The following PCDHGB6 variants were observed in gnomAD, a reference collection of about 807,000 sequenced individuals.
The protein encoded by PCDHGB6 is protocadherin gamma subfamily B, 6, also known as protocadherin gamma-B6.
PCDHGB6 carries 51 observed loss-of-function variants against 59.1 expected under a neutral mutation model. The observed-to-expected ratio is 0.86, with a 90% confidence interval of 0.69 to 1.09. The LOEUF (loss-of-function observed/expected upper bound fraction) is 1.09. Ranked by LOEUF, PCDHGB6 falls within the 50% of genes least tolerant of loss-of-function variation. The probability of loss-of-function intolerance (pLI) is 0.00; values close to 1 mark genes in which losing one functional copy is unlikely to be tolerated. For missense variants in PCDHGB6, 1,148 were observed against 1,205.1 expected, an observed-to-expected ratio of 0.95 and a Z score of 0.70; for synonymous variants, 466 against 495.1, an observed-to-expected ratio of 0.94 and a Z score of 0.78.
At chr5:141,452,538 G>T (rs1330051133) in intron 1 of PCDHGB6, among the ~76,000 whole-genome samples, 1 of 152,148 alleles carries the variant, frequency 6.6e-6, no homozygotes, top group Non-Finnish European at 1.5e-5. Flanking sequence ...AGTTCATATT[G>T]ATACCTCCAG....
Position 141,431,605 on chromosome 5 carries a change from G to A in PCDHGB6, c.2418+20985G>A. ...ATGCGGAAGTGAGGTATTCCTTCCGGTATGTGGACGACAAGGCGGCCCAAG... is the reference window on the plus strand; with the variant it reads ...ATGCGGAAGTGAGGTATTCCTTCCGATATGTGGACGACAAGGCGGCCCAAG... On this transcript the variant is annotated intron_variant, in intron 1 of 3. Transcript: ENST00000520790. This position sits in a 1 kb window ranked among gnomAD's most constrained non-coding sequence, Gnocchi z 4.8. 2 of 1,614,236 alleles carry A rather than the reference G, an allele frequency of 1.2e-6. No individual in the cohort carries two copies. The highest frequency in any genetic ancestry group is 1.7e-6 in the Non-Finnish European group (2 of 1,180,044).
chr5:141,486,505 T>C lies in PCDHGB6; in HGVS notation c.2419-8302T>C. The C allele has an allele frequency of 6.2e-7, 1 of 1,614,156 alleles. No individual in the cohort carries two copies. ...GTACCCACAGAACTATTTTCCTCAA[T>C]ATTTCAGATGTGAATGATAATCCAC... is the stretch of plus-strand genomic sequence containing the variant. On this transcript the variant is annotated intron_variant, in intron 1 of 3. Coordinates refer to ENST00000520790, the MANE Select transcript of PCDHGB6 (RefSeq NM_018926.3). The surrounding 1 kb of genome is among the most constrained non-coding windows in gnomAD (Gnocchi z 5.0).
In PCDHGB6 at chr5:141,487,818, G is replaced by A. The variant is rs1009237001; in HGVS notation, c.2419-6989G>A. On this transcript the variant is annotated intron_variant, in intron 1 of 3. Coordinates refer to ENST00000520790, the MANE Select transcript of PCDHGB6 (RefSeq NM_018926.3). This position sits in a 1 kb window ranked among gnomAD's most constrained non-coding sequence, Gnocchi z 5.0. ...GAGTTGTCACAGTTTAGCATTGGGG[G>A]CGGGTCATGCCTATATCTGAGTAAG... The A allele has an allele frequency of 1.2e-4, 158 of 1,331,596 alleles. No homozygotes were observed. The highest frequency in any genetic ancestry group is 1.4e-4 in the Non-Finnish European group (140 of 970,524). 82.5% of individuals were successfully genotyped at this position (1,331,596 alleles called of 1,614,324 possible). A position where few individuals can be genotyped will look rare whatever the true frequency, so the allele number is the denominator to read the frequency against.
rs764584425 is a variant in PCDHGB6 at position 141,409,795 on chromosome 5, G to A, written c.1593G>A (p.Thr531=). The change falls in exon 1 of 4, where the codon ACG becomes ACA. Residue 531 remains threonine (T), a synonymous_variant. Coordinates refer to ENST00000520790, the MANE Select transcript of PCDHGB6 (RefSeq NM_018926.3). ...AGCAGCTGCGCGCCTTCGCGCTCAC[G>A]CTGCAGGCCCGCGACCACGGCTCGC... The part of the protein sequence containing the change: ...DHEQLRAFAL[T]LQARDHGSPT... 1.2e-6 allele frequency: 2 copies of A among 1,611,722 alleles called. No individual in the cohort carries two copies. Among genetic ancestry groups the A allele is most frequent in the Admixed American group, 1.7e-5 (1 of 59,802 alleles).
intron 1 of PCDHGB6, chr5:141,422,658 C>T (rs2096662185): frequency 6.2e-7 from 1 of 1,609,912 alleles, no homozygotes; most frequent in Non-Finnish European, 8.5e-7. Context: ...CAGTGACCGC[C>T]CTCGACCCGG....
chr5:141,431,774 G>T lies in PCDHGB6; in HGVS notation c.2418+21154G>T. Reference sequence around the variant, plus strand: ...AGCCAAAGTCCTGATCACTGTTCTGGACGTGAACGACAATGCCCCAGAAGT... The same window carrying T: ...AGCCAAAGTCCTGATCACTGTTCTGTACGTGAACGACAATGCCCCAGAAGT... On this transcript the variant is annotated intron_variant, in intron 1 of 3. Transcript: ENST00000520790. This position sits in a 1 kb window ranked among gnomAD's most constrained non-coding sequence, Gnocchi z 4.8. 5 of 1,614,204 alleles carry T rather than the reference G, an allele frequency of 3.1e-6. No individual in the cohort carries two copies. The highest frequency in any genetic ancestry group is 4.2e-6 in the Non-Finnish European group (5 of 1,180,038).
At chr5:141,427,470 G>A (rs765970767) in intron 1 of PCDHGB6, 8 of 509,992 alleles carry the variant, frequency 1.6e-5, no homozygotes, top group African/African-American at 7.7e-5. Flanking sequence ...CGAATCTTCC[G>A]CCAATAATGA....
chr5:141,432,803 G>T lies in PCDHGB6; in HGVS notation c.2418+22183G>T, dbSNP rs751950423. 3 of 1,614,160 alleles carry T rather than the reference G, an allele frequency of 1.9e-6. No homozygotes were observed. The highest frequency in any genetic ancestry group is 2.2e-5 in the East Asian group (1 of 44,874). ...GGACCTCGGCAGCCTCGAGTCTCCA[G>T]CTAACTCTGAAACCTCAGACCTCAC... On this transcript the variant is annotated intron_variant, in intron 1 of 3. Coordinates refer to ENST00000520790, the MANE Select transcript of PCDHGB6 (RefSeq NM_018926.3). This position sits in a 1 kb window ranked among gnomAD's most constrained non-coding sequence, Gnocchi z 6.0.
chr5:141,489,579 C>G lies in PCDHGB6; in HGVS notation c.2419-5228C>G, dbSNP rs112808093. 3.7e-6 allele frequency: 6 copies of G among 1,613,922 alleles called. No individual in the cohort carries two copies. The Admixed American group carries it at 5.0e-5, about 13-fold the overall frequency. On this transcript the variant is annotated intron_variant, in intron 1 of 3. Transcript: ENST00000520790. This position sits in a 1 kb window ranked among gnomAD's most constrained non-coding sequence, Gnocchi z 4.5. ...CAGTGCAGGTGGTGACTGAACACCC[C>G]CTGGAGCTAATCCGTGTAGAGGTAG... is the stretch of plus-strand genomic sequence containing the variant.
intron 1 of PCDHGB6, among the ~76,000 whole-genome samples, chr5:141,446,777 C>CTT (rs1480571336): frequency 1.3e-5 from 2 of 152,072 alleles, no homozygotes; most frequent in Non-Finnish European, 2.9e-5. Flanking sequence ...GGTTACCATT[C>CTT]TTTTACTCTG....
rs1561716536 is a variant in PCDHGB6 at position 141,408,962 on chromosome 5, A to G, written c.760A>G (p.Asn254Asp). The G allele has an allele frequency of 1.9e-6, 3 of 1,613,638 alleles. No individual in the cohort carries two copies. The highest frequency in any genetic ancestry group is 3.3e-5 in the Admixed American group (2 of 59,962). ...RDEYRISLSE[N>D]LPPGSPVLQV... Reference sequence around the variant, plus strand: ...CGAATATAGAATTAGTCTTAGTGAAAATCTGCCCCCTGGGTCCCCTGTGTT... The same window carrying G: ...CGAATATAGAATTAGTCTTAGTGAAGATCTGCCCCCTGGGTCCCCTGTGTT... The change falls in exon 1 of 4, where the codon AAT becomes GAT. Residue 254 changes from asparagine to aspartate, a missense_variant. By Grantham distance (23) the Asn-to-Asp change is conservative. Coordinates refer to ENST00000520790, the MANE Select transcript of PCDHGB6 (RefSeq NM_018926.3).
At chr5:141,461,893 G>A (rs2099025951) in intron 1 of PCDHGB6, among the ~76,000 whole-genome samples, 1 of 151,772 alleles carries the variant, frequency 6.6e-6, no homozygotes, top group African/African-American at 2.4e-5. Context: ...GCACGATCTC[G>A]GCTCACTGCA....
At position 141,431,906 on chromosome 5, in the gene PCDHGB6, A is replaced by G; in HGVS notation, c.2418+21286A>G. 1 of 1,613,868 alleles carries G rather than the reference A, an allele frequency of 6.2e-7. No individual in the cohort carries two copies. Among genetic ancestry groups the G allele is most frequent in the Non-Finnish European group, 8.5e-7 (1 of 1,179,692 alleles). On this transcript the variant is annotated intron_variant, in intron 1 of 3. Transcript: ENST00000520790. This position sits in a 1 kb window ranked among gnomAD's most constrained non-coding sequence, Gnocchi z 4.8. ...AGATTCTGAGGAAAACGGACAGGTG[A>G]TCTGTTTCATCCAAGGAAATCTGCC...
intron 2 of PCDHGB6, among the ~76,000 whole-genome samples, chr5:141,503,824 C>G (rs1216231770): frequency 1.3e-5 from 2 of 152,058 alleles, no homozygotes; most frequent in South Asian, 4.1e-4. Context: ...TTGGGCAAAA[C>G]CAAAAGCAGG....
intron 1 of PCDHGB6, among the ~76,000 whole-genome samples, chr5:141,461,983 C>T (rs1390320490): frequency 6.6e-6 from 1 of 152,192 alleles, no homozygotes. Flanking sequence ...GCCACCACGC[C>T]AGGCTAATTT....
chr5:141,512,262 C>G lies in PCDHGB6; in HGVS notation c.*1089C>G, dbSNP rs925517361. On this transcript the variant is annotated 3_prime_UTR_variant, in exon 4 of 4. Transcript: ENST00000520790. ...GAGGGGCCTCTGTGGGTGCTGGGTA[C>G]TCCAGAGGTGCCACTGGTGGAAGGG... 1 of 152,712 alleles carries G rather than the reference C, an allele frequency of 6.5e-6. No homozygotes were observed. The highest frequency in any genetic ancestry group is 2.4e-5 in the African/African-American group (1 of 41,452). 9.5% of individuals were successfully genotyped at this position (152,712 alleles called of 1,614,324 possible).
At chr5:141,502,140 G>A (rs534984161) in intron 2 of PCDHGB6, among the ~76,000 whole-genome samples, 1 of 152,268 alleles carries the variant, frequency 6.6e-6, no homozygotes, top group South Asian at 2.1e-4. Context: ...CAGTCGGGCC[G>A]GAAGTAAGGA....
At position 141,409,515 on chromosome 5, in the gene PCDHGB6, T is replaced by G. The variant is rs1273041163; in HGVS notation, c.1313T>G (p.Ile438Ser). 6.2e-7 allele frequency: 1 copy of G among 1,613,844 alleles called. No individual in the cohort carries two copies. The highest frequency in any genetic ancestry group is 8.5e-7 in the Non-Finnish European group (1 of 1,179,902). The change falls in exon 1 of 4, where the codon ATC becomes AGC. Residue 438 changes from isoleucine to serine, a missense_variant. Around this residue, in one of 5 missense-constraint regions of PCDHGB6, gnomAD observed 549 missense variants for 527.5 expected, o/e 1.04. Coordinates refer to ENST00000520790, the MANE Select transcript of PCDHGB6 (RefSeq NM_018926.3). ...CCGCCTCTTTCTTCCAGTAGAAGCA[T>G]CACCTTGTATGTCGCTGACATCAAC... is the stretch of plus-strand genomic sequence containing the variant. ...GKPPLSSSRS[I>S]TLYVADINDN...
intron 1 of PCDHGB6, chr5:141,420,445 T>C: frequency 9.6e-7 from 1 of 1,044,750 alleles, no homozygotes; most frequent in Non-Finnish European, 1.3e-6. Context: ...AATGCCTCAG[T>C]CTTCCTACTA....
Sources: allele counts gnomAD v4.1 joint callset (sites outside exome capture counted in the v4.1 genomes callset), GRCh38; gene constraint gnomAD v4.1.1; regional missense constraint gnomAD v4.1.1; non-coding constraint Gnocchi (gnomAD v3.1); transcripts MANE v1.5; gene names NCBI Gene and HGNC (gene_info 2026-07-23, HGNC 2026-07-21).